NMNAT2: variants seen among roughly 807,000 people sequenced by gnomAD.
The protein encoded by NMNAT2 is nicotinamide nucleotide adenylyltransferase 2, also known as nicotinamide/nicotinic acid mononucleotide adenylyltransferase 2.
Under a neutral mutation model 41.6 loss-of-function variants are expected in NMNAT2, and 11 were observed. The observed-to-expected ratio is 0.26, with a 90% CI of 0.17 to 0.44. The LOEUF (loss-of-function observed/expected upper bound fraction) is 0.44. Among genes scored for constraint, NMNAT2 ranks in the 20% least tolerant of loss-of-function variants. The probability of loss-of-function intolerance (pLI) is 1.00; values close to 1 mark genes in which losing one functional copy is unlikely to be tolerated. For missense variants in NMNAT2, 288 were observed against 407.7 expected, an observed-to-expected ratio of 0.71 and a Z score of 2.53; for synonymous variants, 148 against 151.2, an observed-to-expected ratio of 0.98 and a Z score of 0.16.
intron 1 of NMNAT2, among the ~76,000 whole-genome samples, chr1:183,316,533 G>C (rs1403609789): frequency 6.6e-6 from 1 of 152,144 alleles, no homozygotes; most frequent in Non-Finnish European, 1.5e-5. Context: ...TTCTTCCTGG[G>C]CTGCTGCAGT....
intron 1 of NMNAT2, among the ~76,000 whole-genome samples, chr1:183,299,836 T>G (rs1661802292): frequency 6.6e-6 from 1 of 152,180 alleles, no homozygotes; most frequent in African/African-American, 2.4e-5. Flanking sequence ...TTTGATAAGA[T>G]AACATATAAA....
chr1:183,406,197 G>A (rs1213518426), intron 1 of NMNAT2, among the ~76,000 whole-genome samples: 1 of 152,210 alleles, frequency 6.6e-6, no homozygotes, highest in African/African-American at 2.4e-5. Flanking sequence ...GAATTGAATA[G>A]AGGGATGTAG....
At position 183,389,795 on chromosome 1, in the gene NMNAT2, A is replaced by G. The variant is rs796833820; in HGVS notation, c.85+28388T>C. 3.2e-4 allele frequency among the ~76,000 whole-genome samples: 25 copies of G among 78,448 alleles called. 2 individuals carry two copies. Among genetic ancestry groups the G allele is most frequent in the Admixed American group, 5.6e-4 (4 of 7,110 alleles). The allele number at this position is 78,448 out of a possible 152,430, so 51.5% of individuals were successfully genotyped here. On this transcript the variant is annotated intron_variant, in intron 1 of 10. Coordinates refer to ENST00000287713, the MANE Select transcript of NMNAT2 (RefSeq NM_015039.4). ...AAGAAAGAAAGAAAGAAAGAAAGAA[A>G]GAAAGAAAGAAAGAAAGAAAGAAAG...
At chr1:183,338,516 A>G (rs1662727134) in intron 1 of NMNAT2, among the ~76,000 whole-genome samples, 1 of 152,224 alleles carries the variant, frequency 6.6e-6, no homozygotes, top group African/African-American at 2.4e-5. Flanking sequence ...TAAGATGGAA[A>G]TAAGAACCTG....
chr1:183,314,089 C>A (rs1662188553), intron 1 of NMNAT2, among the ~76,000 whole-genome samples: 1 of 152,186 alleles, frequency 6.6e-6, no homozygotes, highest in Non-Finnish European at 1.5e-5. Context: ...CCGTGTGGAA[C>A]CTTGTGCCCA....
intron 1 of NMNAT2, among the ~76,000 whole-genome samples, chr1:183,374,795 G>A (rs1242253425): frequency 1.3e-5 from 2 of 152,124 alleles, no homozygotes; most frequent in Non-Finnish European, 2.9e-5. Context: ...AGGAGTTTCA[G>A]AGGCTTAGGC....
chr1:183,350,984 G>A (rs760997720), intron 1 of NMNAT2, among the ~76,000 whole-genome samples: 18 of 152,200 alleles, frequency 1.2e-4, no homozygotes, highest in East Asian at 1.2e-3. Context: ...ATAAAATGTC[G>A]CCATGGAATC....
At chr1:183,286,816 G>C in intron 4 of NMNAT2, 28 bp from the exon 5 acceptor site, 1 of 1,596,100 alleles carries the variant, frequency 6.3e-7, no homozygotes, top group South Asian at 1.1e-5. Flanking sequence ...AGTGTTATTA[G>C]TCATGTGACT....
At chr1:183,312,062 T>C (rs1158828868) in intron 1 of NMNAT2, among the ~76,000 whole-genome samples, 1 of 152,180 alleles carries the variant, frequency 6.6e-6, no homozygotes, top group African/African-American at 2.4e-5. Flanking sequence ...CCCAGCCACA[T>C]GGAACTGTGA....
chr1:183,312,451 C>T (rs1662145089), intron 1 of NMNAT2, among the ~76,000 whole-genome samples: 1 of 151,958 alleles, frequency 6.6e-6, no homozygotes, highest in African/African-American at 2.4e-5. Context: ...CCTCATATAC[C>T]AATCTCCCAG....
chr1:183,396,638 G>A (rs1648658376), intron 1 of NMNAT2, among the ~76,000 whole-genome samples: 2 of 152,050 alleles, frequency 1.3e-5, no homozygotes. Context: ...CCAAAATCAA[G>A]GAGAAGGAAT....
At chr1:183,285,443 T>A (rs1661377464) in intron 5 of NMNAT2, among the ~76,000 whole-genome samples, 1 of 152,174 alleles carries the variant, frequency 6.6e-6, no homozygotes, top group South Asian at 2.1e-4. Flanking sequence ...ACATCCTATT[T>A]GGCTGAGAGG....
At chr1:183,395,358 GA>G (rs1648608241) in intron 1 of NMNAT2, among the ~76,000 whole-genome samples, 1 of 151,750 alleles carries the variant, frequency 6.6e-6, no homozygotes, top group South Asian at 2.1e-4. Context: ...TAGAAAATGT[GA>G]TAGAGGTGGG....
At chr1:183,286,927 C>A in intron 4 of NMNAT2, 139 bp from the exon 5 acceptor site, 1 of 754,536 alleles carries the variant, frequency 1.3e-6, no homozygotes, top group African/African-American at 1.8e-5. Flanking sequence ...GGTTCTAGAC[C>A]CAGCTGCATC....
At chr1:183,355,596 C>T (rs1663166871) in intron 1 of NMNAT2, among the ~76,000 whole-genome samples, 1 of 152,210 alleles carries the variant, frequency 6.6e-6, no homozygotes, top group Non-Finnish European at 1.5e-5. Context: ...AGAGCAGACA[C>T]TTAATAAAAT....
intron 1 of NMNAT2, among the ~76,000 whole-genome samples, chr1:183,371,872 T>C (rs1663551781): frequency 1.3e-5 from 2 of 152,152 alleles, no homozygotes; most frequent in South Asian, 4.1e-4. Context: ...CTTGATCCCC[T>C]GGGCTCAAGC....
At chr1:183,293,645 A>G in intron 2 of NMNAT2, 60 bp downstream of exon 2, 1 of 1,274,610 alleles carries the variant, frequency 7.8e-7, no homozygotes, top group Non-Finnish European at 1.1e-6. Context: ...GCCAGGAACT[A>G]TCAGGCCAGG....
chr1:183,362,506 A>G (rs1396609366), intron 1 of NMNAT2, among the ~76,000 whole-genome samples: 4 of 152,220 alleles, frequency 2.6e-5, no homozygotes, highest in Admixed American at 6.5e-5. Flanking sequence ...GACATTTCAT[A>G]TAAATGGAAT....
chr1:183,341,723 AC>A (rs1662810370), intron 1 of NMNAT2, among the ~76,000 whole-genome samples: 2 of 106,518 alleles, frequency 1.9e-5, no homozygotes, highest in Non-Finnish European at 2.0e-5. Context: ...ACAAACAAAC[AC>A]CAAAAAAAAA....
Sources: allele counts gnomAD v4.1 joint callset (sites outside exome capture counted in the v4.1 genomes callset), GRCh38; gene constraint gnomAD v4.1.1; transcripts MANE v1.5; gene names NCBI Gene and HGNC (gene_info 2026-07-23, HGNC 2026-07-21).